Variants in LMO3 observed in about 807,000 individuals in gnomAD.
LMO3 encodes the protein LIM domain only 3, also known as LIM domain only protein 3.
In LMO3, 2 loss-of-function variants were observed where a neutral mutation model predicts 15.8. The observed-to-expected ratio is 0.13, with a 90% CI of 0.05 to 0.40. LMO3 has a LOEUF of 0.40. Ranked by LOEUF, LMO3 falls within the 10% of genes least tolerant of loss-of-function variation. The probability of loss-of-function intolerance (pLI) is 0.99; values close to 1 mark genes in which losing one functional copy is unlikely to be tolerated. For synonymous variants in LMO3, 62 were observed against 63.8 expected (o/e 0.97, Z 0.13); for missense variants, 86 against 182.2 (o/e 0.47, Z 3.04).
rs1173879307 is a variant in LMO3 at position 16,604,795 on chromosome 12, A to G, written c.-9+1271T>C. ...AAAGACACAAAAGCAGCGGAAAAGC[A>G]GAAAGGCTTTTGAGCGGCCAGGAGT... On this transcript the variant is annotated intron_variant, in intron 1 of 3. Coordinates refer to ENST00000537304, the MANE Select transcript of LMO3 (RefSeq NM_018640.5). This position sits in a 1 kb window ranked among gnomAD's most constrained non-coding sequence, Gnocchi z 5.3. 1 of 1,512,844 alleles carries G rather than the reference A, an allele frequency of 6.6e-7. No homozygotes were observed. The highest frequency in any genetic ancestry group is 1.4e-5 in the African/African-American group (1 of 72,994). 93.7% of individuals were successfully genotyped at this position (1,512,844 alleles called of 1,614,324 possible).
intron 2 of LMO3, among the ~76,000 whole-genome samples, chr12:16,569,253 T>A (rs2137419598): frequency 6.6e-6 from 1 of 152,330 alleles, no homozygotes; most frequent in Admixed American, 6.5e-5. Context: ...CAAGAGAACC[T>A]ATATCCCTTA....
Position 16,603,591 on chromosome 12 carries a change from A to T in LMO3, c.-9+2475T>A, listed in dbSNP as rs916352593. Among the ~76,000 whole-genome samples the T allele has an allele frequency of 8.5e-5, 13 of 152,204 alleles. No individual in the cohort carries two copies. Among genetic ancestry groups the T allele is most frequent in the Admixed American group, 2.6e-4 (4 of 15,284 alleles). On this transcript the variant is annotated intron_variant, in intron 1 of 3. Coordinates refer to ENST00000537304, the MANE Select transcript of LMO3 (RefSeq NM_018640.5). This position sits in a 1 kb window ranked among gnomAD's most constrained non-coding sequence, Gnocchi z 4.9. ...ACCCTGCCATTCTGAGTTATTTGAC[A>T]GTTTAAGGGAAATCATAATTAAAAA...
chr12:16,568,416 C>G (rs1202611218), intron 2 of LMO3, among the ~76,000 whole-genome samples: 1 of 150,710 alleles, frequency 6.6e-6, no homozygotes, highest in Non-Finnish European at 1.5e-5. Context: ...CTGGTTTCTC[C>G]CCAACCTCCA....
rs529742660 is a variant in LMO3 at position 16,586,484 on chromosome 12, C to T, written c.206+14171G>A. Among the ~76,000 whole-genome samples the T allele has an allele frequency of 1.8e-4, 27 of 152,278 alleles. No individual in the cohort carries two copies. In the East Asian group the frequency reaches 3.5e-3, roughly 20 times the overall value. ...GGACAATGTGTCTGGACAAATCTCA[C>T]GCTAAGCATTATCTTCTACGTCCAC... On this transcript the variant is annotated intron_variant, in intron 2 of 3. Coordinates refer to ENST00000537304, the MANE Select transcript of LMO3 (RefSeq NM_018640.5). This position sits in a 1 kb window ranked among gnomAD's most constrained non-coding sequence, Gnocchi z 4.3.
chr12:16,598,029 C>A lies in LMO3; in HGVS notation c.206+2626G>T, dbSNP rs1336342259. ...GAAATCATACCTCTCACACAGTAAG[C>A]ATTTAATAAACATTTTTGAACAACT... On this transcript the variant is annotated intron_variant, in intron 2 of 3. Transcript: ENST00000537304. This position sits in a 1 kb window ranked among gnomAD's most constrained non-coding sequence, Gnocchi z 4.3. 1 of 151,972 alleles carries A rather than the reference C, an allele frequency of 6.6e-6. No individual in the cohort carries two copies. The highest frequency in any genetic ancestry group is 1.5e-5 in the Non-Finnish European group (1 of 67,896). The allele number at this position is 151,972 out of a possible 1,614,324, so 9.4% of individuals were successfully genotyped here.
At chr12:16,568,453 C>A (rs1320182054) in intron 2 of LMO3, among the ~76,000 whole-genome samples, 2 of 152,128 alleles carry the variant, frequency 1.3e-5, no homozygotes, top group African/African-American at 2.4e-5. Flanking sequence ...AGCTAAGTAC[C>A]CATTCACTTA....
In LMO3 at chr12:16,591,600, A is replaced by G. The variant is rs146765712; in HGVS notation, c.206+9055T>C. 1.4e-3 allele frequency among the ~76,000 whole-genome samples: 206 copies of G among 152,146 alleles called. No individual in the cohort carries two copies. Among genetic ancestry groups the G allele is most frequent in the Admixed American group, 4.6e-3 (70 of 15,258 alleles). On this transcript the variant is annotated intron_variant, in intron 2 of 3. Coordinates refer to ENST00000537304, the MANE Select transcript of LMO3 (RefSeq NM_018640.5). This position sits in a 1 kb window ranked among gnomAD's most constrained non-coding sequence, Gnocchi z 4.1. Reference sequence around the variant, plus strand: ...ATATACAGAATGATCACATTTATTGAATGAAAAAATGGGAATGGGGATGAT... The same window carrying G: ...ATATACAGAATGATCACATTTATTGGATGAAAAAATGGGAATGGGGATGAT...
rs139838014 is a variant in LMO3, at chr12:16,571,150, T to C, written c.207-10612A>G. Among the ~76,000 whole-genome samples, 4 of 152,224 alleles carry C rather than the reference T, an allele frequency of 2.6e-5. No homozygotes were observed. The East Asian group carries it at 7.7e-4, about 29-fold the overall frequency. Reference sequence around the variant, plus strand: ...TACTAATGTTTTCTTTTAAGGTAAGTAGCAGGGTTTGGGGCATTGTGTCAC... The same window carrying C: ...TACTAATGTTTTCTTTTAAGGTAAGCAGCAGGGTTTGGGGCATTGTGTCAC... On this transcript the variant is annotated intron_variant, in intron 2 of 3. Coordinates refer to ENST00000537304, the MANE Select transcript of LMO3 (RefSeq NM_018640.5).
At chr12:16,553,590 T>C (rs577931373) in intron 3 of LMO3, among the ~76,000 whole-genome samples, 6 of 152,194 alleles carry the variant, frequency 3.9e-5, no homozygotes, top group Admixed American at 1.3e-4. Flanking sequence ...TACTTAAAGG[T>C]CAAGATGAAA....
In LMO3 at chr12:16,591,756, T is replaced by C. The variant is rs757552680; in HGVS notation, c.206+8899A>G. 1.3e-5 allele frequency among the ~76,000 whole-genome samples: 2 copies of C among 152,072 alleles called. No homozygotes were observed. Among genetic ancestry groups the C allele is most frequent in the Non-Finnish European group, 2.9e-5 (2 of 67,978 alleles). On this transcript the variant is annotated intron_variant, in intron 2 of 3. Transcript: ENST00000537304. This position sits in a 1 kb window ranked among gnomAD's most constrained non-coding sequence, Gnocchi z 4.1. ...AATAGCATGAAAGTTACAAGCTAAG[T>C]CTGTCTTGCTCTGCACCCAAAATAT...
chr12:16,592,417 T>C (rs1334153713), intron 2 of LMO3, among the ~76,000 whole-genome samples: 2 of 152,176 alleles, frequency 1.3e-5, no homozygotes. Flanking sequence ...TCTCCCAAAG[T>C]GCAAATGTTC....
At chr12:16,605,069 T>A in intron 1 of LMO3, 1 of 1,477,094 alleles carries the variant, frequency 6.8e-7, no homozygotes, top group Non-Finnish European at 8.9e-7. Context: ...CGGCAGGGGG[T>A]GGGGGAAGGG....
At chr12:16,554,815 A>G (rs1212858323) in intron 3 of LMO3, among the ~76,000 whole-genome samples, 2 of 151,850 alleles carry the variant, frequency 1.3e-5, no homozygotes, top group East Asian at 3.9e-4. Context: ...CGCCACCTCG[A>G]CCGGCTCATT....
intron 2 of LMO3, among the ~76,000 whole-genome samples, chr12:16,570,472 GA>G (rs1456104425): frequency 6.6e-6 from 1 of 151,662 alleles, no homozygotes; most frequent in Non-Finnish European, 1.5e-5. Context: ...GAAAAATAAA[GA>G]AAATGAAAAG....
intron 2 of LMO3, among the ~76,000 whole-genome samples, chr12:16,578,520 A>G (rs1943061941): frequency 6.6e-6 from 1 of 152,036 alleles, no homozygotes; most frequent in South Asian, 2.1e-4. Context: ...AAAGTATTAA[A>G]ATAAAAATCA....
In LMO3 at chr12:16,604,027, T is replaced by TA. The variant is rs1222680978; in HGVS notation, c.-9+2038dup. On this transcript the variant is annotated intron_variant, in intron 1 of 3. Coordinates refer to ENST00000537304, the MANE Select transcript of LMO3 (RefSeq NM_018640.5). This position sits in a 1 kb window ranked among gnomAD's most constrained non-coding sequence, Gnocchi z 5.3. ...GAGATGAGGTGCTTCAGAAAGATGC[T>TA]AAAATGGGAATGCAGGTTCTGCAGC... is the stretch of plus-strand genomic sequence containing the variant. Among the ~76,000 whole-genome samples the TA allele has an allele frequency of 6.6e-6, 1 of 152,134 alleles. No homozygotes were observed. The highest frequency in any genetic ancestry group is 2.4e-5 in the African/African-American group (1 of 41,432).
intron 2 of LMO3, among the ~76,000 whole-genome samples, chr12:16,564,957 TA>T (rs200049658): frequency 6.6e-5 from 10 of 150,424 alleles, no homozygotes; most frequent in Non-Finnish European, 1.0e-4. Context: ...GGCTAATTTT[TA>T]AAAAAAAAAT....
At chr12:16,595,027 T>C (rs1273866954) in intron 2 of LMO3, among the ~76,000 whole-genome samples, 2 of 151,444 alleles carry the variant, frequency 1.3e-5, no homozygotes, top group East Asian at 1.9e-4. Flanking sequence ...CAAATGTAGG[T>C]TTTCCAGATG....
intron 2 of LMO3, among the ~76,000 whole-genome samples, chr12:16,569,114 C>T (rs938659933): frequency 6.6e-6 from 1 of 152,126 alleles, no homozygotes; most frequent in Non-Finnish European, 1.5e-5. Context: ...AAGACAGCAA[C>T]AACAATATGT....
Sources: allele counts gnomAD v4.1 joint callset (sites outside exome capture counted in the v4.1 genomes callset), GRCh38; gene constraint gnomAD v4.1.1; non-coding constraint Gnocchi (gnomAD v3.1); transcripts MANE v1.5; gene names NCBI Gene and HGNC (gene_info 2026-07-23, HGNC 2026-07-21).